The following CASTOR2 variants were observed in gnomAD, a reference collection of about 807,000 sequenced individuals.
CASTOR2 encodes GATS protein like 2.
CASTOR2 carries 8 observed loss-of-function variants against 31.2 expected under a neutral mutation model. The ratio of observed to expected loss-of-function variants is 0.26; its 90% confidence interval spans 0.15 to 0.46. The LOEUF (loss-of-function observed/expected upper bound fraction) is 0.46. Among genes scored for constraint, CASTOR2 ranks in the 20% least tolerant of loss-of-function variants. The pLI, the probability that CASTOR2 is intolerant of heterozygous loss-of-function variation, is 0.99. For synonymous variants in CASTOR2, 162 were observed against 158.7 expected, an observed-to-expected ratio of 1.02 and a Z score of -0.16; for missense variants, 216 against 382.1, an observed-to-expected ratio of 0.57 and a Z score of 3.62.
At chr7:74,973,620 A>G (rs1803733011) in intron 1 of CASTOR2, among the ~76,000 whole-genome samples, 1 of 39,204 alleles carries the variant, frequency 2.6e-5, no homozygotes, top group Non-Finnish European at 5.1e-5. Context: ...GCCACTGGCC[A>G]GCACCAGTTT....
intron 1 of CASTOR2, among the ~76,000 whole-genome samples, chr7:74,985,585 C>CAAAAAAAAAA (rs782053038): frequency 1.5e-5 from 1 of 67,548 alleles, no homozygotes; most frequent in African/African-American, 6.6e-5. Flanking sequence ...CAGCCTGGCT[C>CAAAAAAAAAA]AAAAAAAAAA....
intron 5 of CASTOR2, 59 bp from the exon 6 acceptor site, chr7:75,019,980 G>C (rs1804954794): frequency 1.3e-6 from 2 of 1,505,716 alleles, no homozygotes; most frequent in African/African-American, 2.8e-5. Context: ...CCCTGGGCTG[G>C]TGTGAATGGG....
At chr7:74,986,205 C>A (rs1804061711) in intron 1 of CASTOR2, among the ~76,000 whole-genome samples, 1 of 150,096 alleles carries the variant, frequency 6.7e-6, no homozygotes, top group Non-Finnish European at 1.5e-5. Flanking sequence ...GCTGGGATGA[C>A]AGGCGTAAGC....
At chr7:74,985,585 C>CAAAAAAA (rs782053038) in intron 1 of CASTOR2, among the ~76,000 whole-genome samples, 1 of 67,540 alleles carries the variant, frequency 1.5e-5, no homozygotes, top group Non-Finnish European at 2.5e-5. Flanking sequence ...CAGCCTGGCT[C>CAAAAAAA]AAAAAAAAAA....
chr7:74,972,373 G>C (rs1298510843), intron 1 of CASTOR2, among the ~76,000 whole-genome samples: 3 of 150,136 alleles, frequency 2.0e-5, no homozygotes, highest in Non-Finnish European at 3.0e-5. Context: ...ACCTGCCTTG[G>C]CCTCCCCAAA....
intron 6 of CASTOR2, 56 bp downstream of exon 6, chr7:75,020,205 G>A: frequency 6.8e-7 from 1 of 1,468,560 alleles, no homozygotes; most frequent in Non-Finnish European, 9.3e-7. Context: ...GGGTCTGGGG[G>A]GACTATGTGA....
At chr7:75,004,472 C>T (rs1273959250) in intron 1 of CASTOR2, among the ~76,000 whole-genome samples, 4 of 150,296 alleles carry the variant, frequency 2.7e-5, no homozygotes, top group African/African-American at 9.8e-5. Context: ...TTTTTCCCCC[C>T]GAGATGGAGT....
chr7:75,027,710 G>GA lies in CASTOR2; in HGVS notation c.*3012dup. 2.6e-6 allele frequency: 1 copy of GA among 390,472 alleles called. No homozygotes were observed. Among genetic ancestry groups the GA allele is most frequent in the Non-Finnish European group, 4.8e-6 (1 of 209,764 alleles). The allele number at this position is 390,472 out of a possible 1,614,324, so 24.2% of individuals were successfully genotyped here. On this transcript the variant is annotated 3_prime_UTR_variant, in exon 9 of 9. Transcript: ENST00000616305. Reference sequence around the variant, plus strand: ...CGCTCCGTGGGAGCTGCCCCCTGGGGACCCTGCTCCTCGGTCACAGGGGGC... The same window carrying GA: ...CGCTCCGTGGGAGCTGCCCCCTGGGGAACCCTGCTCCTCGGTCACAGGGGGC...
rs1260341965 is a variant in CASTOR2, at chr7:74,974,306, C to T, written c.113+9208C>T. On this transcript the variant is annotated intron_variant, in intron 1 of 8. Transcript: ENST00000616305. Reference sequence around the variant, plus strand: ...GTATGCTCTGTTCACTGAGAAACCCCGCAGTGTATACCTGCTGTAGGCAGG... The same window carrying T: ...GTATGCTCTGTTCACTGAGAAACCCTGCAGTGTATACCTGCTGTAGGCAGG... 2.0e-5 allele frequency among the ~76,000 whole-genome samples: 3 copies of T among 148,670 alleles called. 1 individual carries two copies. The highest frequency in any genetic ancestry group is 2.0e-4 in the East Asian group (1 of 5,008).
intron 1 of CASTOR2, among the ~76,000 whole-genome samples, chr7:74,991,606 G>A (rs1450757860): frequency 9.2e-5 from 14 of 152,288 alleles, no homozygotes; most frequent in Non-Finnish European, 1.8e-4. Flanking sequence ...CTTCAGCAGT[G>A]ATCTAATGGC....
At chr7:74,995,755 C>G (rs1804330431) in intron 1 of CASTOR2, among the ~76,000 whole-genome samples, 1 of 151,534 alleles carries the variant, frequency 6.6e-6, no homozygotes, top group African/African-American at 2.4e-5. Context: ...TTGCAGTGAG[C>G]CGAGATCACG....
At position 75,020,172 on chromosome 7, in the gene CASTOR2, C is replaced by T. The variant is rs1475584560; in HGVS notation, c.746+23C>T. On this transcript the variant is annotated intron_variant, in intron 6 of 8. Transcript: ENST00000616305. The stretch of plus-strand genomic sequence containing the variant: ...GAGGTGAGCCAGGCCCTGGGGTGGA[C>T]GTTCAACCCAGGGTGGGCCCCAGGG... 7 of 1,549,646 alleles carry T rather than the reference C, an allele frequency of 4.5e-6. No homozygotes were observed. The East Asian group carries it at 7.3e-5, about 16-fold the overall frequency.
At chr7:75,010,690 A>G (rs1554439269) in intron 2 of CASTOR2, among the ~76,000 whole-genome samples, 1 of 152,234 alleles carries the variant, frequency 6.6e-6, no homozygotes, top group East Asian at 1.9e-4. Context: ...GCAGGTTTCA[A>G]TTAGCCCAGC....
chr7:75,017,512 C>G, intron 2 of CASTOR2, 86 bp from the exon 3 acceptor site: 1 of 1,474,426 alleles, frequency 6.8e-7, no homozygotes, highest in Non-Finnish European at 9.3e-7. Flanking sequence ...CAGAGCATCA[C>G]TCTCCACCTC....
intron 2 of CASTOR2, among the ~76,000 whole-genome samples, chr7:75,008,522 G>T (rs1299747407): frequency 6.6e-6 from 1 of 151,756 alleles, no homozygotes; most frequent in Non-Finnish European, 1.5e-5. Flanking sequence ...GTGAGACCCC[G>T]TCTCTACTAA....
At chr7:75,019,571 C>T (rs2131955436) in intron 5 of CASTOR2, among the ~76,000 whole-genome samples, 1 of 152,346 alleles carries the variant, frequency 6.6e-6, no homozygotes, top group Admixed American at 6.5e-5. Flanking sequence ...TTTGGTGACG[C>T]CCCAAAGACT....
chr7:74,982,316 C>T (rs1803964932), intron 1 of CASTOR2, among the ~76,000 whole-genome samples: 1 of 150,016 alleles, frequency 6.7e-6, no homozygotes, highest in African/African-American at 2.5e-5. Flanking sequence ...TCACTCTTCC[C>T]CTTTCCTGAT....
intron 2 of CASTOR2, among the ~76,000 whole-genome samples, chr7:75,013,771 C>T (rs1804804906): frequency 6.6e-6 from 1 of 152,174 alleles, no homozygotes. Flanking sequence ...TCTGTCACCC[C>T]GGTTGGAGTC....
chr7:74,999,645 ATCTCGCTCTGTCTCCAAGCTGGAG>A (rs1804447289), intron 1 of CASTOR2, among the ~76,000 whole-genome samples: 1 of 101,978 alleles, frequency 9.8e-6, no homozygotes, highest in Non-Finnish European at 1.7e-5. Flanking sequence ...TTGAGACGGA[ATCTCGCTCTGTCTCCAAGCTGGAG>A]TGCAGTGGCG....
Sources: allele counts gnomAD v4.1 joint callset (sites outside exome capture counted in the v4.1 genomes callset), GRCh38; gene constraint gnomAD v4.1.1; transcripts MANE v1.5; gene names NCBI Gene and HGNC (gene_info 2026-07-23, HGNC 2026-07-21).